PRKN: variants seen among roughly 807,000 people sequenced by gnomAD.
PRKN encodes the protein parkin RBR E3 ubiquitin protein ligase.
PRKN carries 56 observed loss-of-function variants against 59.5 expected under a neutral mutation model. The ratio of observed to expected loss-of-function variants is 0.94; its 90% confidence interval spans 0.76 to 1.18. PRKN has a LOEUF of 1.18. PRKN is among the 50% of genes most tolerant of loss of function. The pLI is 0.00. For synonymous variants in PRKN, 250 were observed against 222.1 expected, an observed-to-expected ratio of 1.13 and a Z score of -1.12; for missense variants, 657 against 596.4, an observed-to-expected ratio of 1.10 and a Z score of -1.06.
chr6:162,361,709 G>A (rs1349641940), intron 2 of PRKN, among the ~76,000 whole-genome samples: 1 of 152,190 alleles, frequency 6.6e-6, no homozygotes, highest in Non-Finnish European at 1.5e-5. Flanking sequence ...TGATGCAAGT[G>A]TGCTGTGCAT....
At chr6:161,389,882 T>C (rs1350065634) in intron 9 of PRKN, among the ~76,000 whole-genome samples, 1 of 152,166 alleles carries the variant, frequency 6.6e-6, no homozygotes, top group Non-Finnish European at 1.5e-5. Flanking sequence ...AGGCTTTTCC[T>C]GACACAAAGA....
At chr6:162,099,199 C>T (rs776956736) in intron 4 of PRKN, among the ~76,000 whole-genome samples, 27 of 152,154 alleles carry the variant, frequency 1.8e-4, no homozygotes, top group Non-Finnish European at 2.8e-4. Context: ...CCTCTGGCCA[C>T]GGGCCGTCAG....
At chr6:161,811,341 G>C (rs761244851) in intron 6 of PRKN, among the ~76,000 whole-genome samples, 2 of 152,104 alleles carry the variant, frequency 1.3e-5, no homozygotes, top group African/African-American at 2.4e-5. Flanking sequence ...CTGGCAAAAT[G>C]AAAGACAGTT....
At chr6:161,494,867 C>T (rs1056392046) in intron 9 of PRKN, among the ~76,000 whole-genome samples, 8 of 152,140 alleles carry the variant, frequency 5.3e-5, no homozygotes, top group African/African-American at 1.9e-4. Context: ...GGATTCATCC[C>T]CAGCCTTTCC....
In PRKN at chr6:161,379,653, G is replaced by A. The variant is rs749172436; in HGVS notation, c.1167+7141C>T. On this transcript the variant is annotated intron_variant, in intron 10 of 11. Coordinates refer to ENST00000366898, the MANE Select transcript of PRKN (RefSeq NM_004562.3). The surrounding 1 kb of genome is among the most constrained non-coding windows in gnomAD (Gnocchi z 4.9). ...CTTCCTTCTGCGGGAAGCCCACATCGAAAACCTGGTCTATGCATAGGGATG... is the reference window on the plus strand; with the variant it reads ...CTTCCTTCTGCGGGAAGCCCACATCAAAAACCTGGTCTATGCATAGGGATG... Among the ~76,000 whole-genome samples the A allele has an allele frequency of 2.6e-5, 4 of 152,136 alleles. No homozygotes were observed. Among genetic ancestry groups the A allele is most frequent in the African/African-American group, 9.7e-5 (4 of 41,430 alleles).
Position 162,727,764 on chromosome 6 carries a change from C to G in PRKN, c.-96G>C. 5 of 1,278,014 alleles carry G rather than the reference C, an allele frequency of 3.9e-6. No homozygotes were observed. The highest frequency in any genetic ancestry group is 5.5e-6 in the Non-Finnish European group (5 of 904,004). 79.2% of individuals were successfully genotyped at this position (1,278,014 alleles called of 1,614,324 possible). A position where few individuals can be genotyped will look rare whatever the true frequency, so the allele number is the denominator to read the frequency against. The stretch of plus-strand genomic sequence containing the variant: ...CACCAGCGGCTCTCCTGGGTTAAAT[C>G]CTCCAGGCCTCCCCGCCCCCGCGCC... On this transcript the variant is annotated 5_prime_UTR_variant, in exon 1 of 12. Transcript: ENST00000366898.
intron 5 of PRKN, among the ~76,000 whole-genome samples, chr6:161,991,599 T>G (rs2128258532): frequency 6.6e-6 from 1 of 152,174 alleles, no homozygotes; most frequent in Admixed American, 6.5e-5. Flanking sequence ...CTCAGCACTT[T>G]GGGAGGCCGA....
rs1333771253 is a variant in PRKN at position 161,400,773 on chromosome 6, G to T, written c.1084-13896C>A. On this transcript the variant is annotated intron_variant, in intron 9 of 11. Transcript: ENST00000366898. This position sits in a 1 kb window ranked among gnomAD's most constrained non-coding sequence, Gnocchi z 4.2. ...GGGACAGAAAATCAGTCAAATTAAA[G>T]AAAATATGAGGCGTAACTGCCCTGC... Among the ~76,000 whole-genome samples, 1 of 152,022 alleles carries T rather than the reference G, an allele frequency of 6.6e-6. No individual in the cohort carries two copies. The highest frequency in any genetic ancestry group is 1.5e-5 in the Non-Finnish European group (1 of 68,016).
intron 2 of PRKN, among the ~76,000 whole-genome samples, chr6:162,327,290 C>G (rs1446371418): frequency 6.6e-6 from 1 of 152,156 alleles, no homozygotes; most frequent in Non-Finnish European, 1.5e-5. Flanking sequence ...GTGTCAATCA[C>G]TTAATCCTGC....
rs1406932178 is a variant in PRKN at position 161,376,703 on chromosome 6, C to G, written c.1167+10091G>C. On this transcript the variant is annotated intron_variant, in intron 10 of 11. Transcript: ENST00000366898. The surrounding 1 kb of genome is among the most constrained non-coding windows in gnomAD (Gnocchi z 7.3). ...GAGGGTGGATGCGAAGGGCTCACCTCTAGCCTCCTACCTCTGGCTCCCCTC... is the reference window on the plus strand; with the variant it reads ...GAGGGTGGATGCGAAGGGCTCACCTGTAGCCTCCTACCTCTGGCTCCCCTC... Among the ~76,000 whole-genome samples, 2 of 152,190 alleles carry G rather than the reference C, an allele frequency of 1.3e-5. No homozygotes were observed. The highest frequency in any genetic ancestry group is 2.9e-5 in the Non-Finnish European group (2 of 68,020).
intron 7 of PRKN, among the ~76,000 whole-genome samples, chr6:161,670,796 C>A (rs1186009532): frequency 6.7e-6 from 1 of 148,332 alleles, no homozygotes; most frequent in Non-Finnish European, 1.5e-5. Context: ...AGCCTAGCAA[C>A]AGAGCGAGAC....
At chr6:162,143,981 A>G (rs1315003403) in intron 4 of PRKN, among the ~76,000 whole-genome samples, 1 of 152,220 alleles carries the variant, frequency 6.6e-6, no homozygotes, top group Non-Finnish European at 1.5e-5. Context: ...GGCATATTTG[A>G]TTGAATAAGA....
chr6:161,837,685 A>C (rs534648565), intron 6 of PRKN, among the ~76,000 whole-genome samples: 1 of 152,280 alleles, frequency 6.6e-6, no homozygotes, highest in South Asian at 2.1e-4. Context: ...GATAATGAAT[A>C]ATAAGGGACT....
Position 161,413,411 on chromosome 6 carries a change from G to T in PRKN, c.1084-26534C>A, listed in dbSNP as rs1224970474. Among the ~76,000 whole-genome samples the T allele has an allele frequency of 6.6e-6, 1 of 152,168 alleles. No homozygotes were observed. The highest frequency in any genetic ancestry group is 6.5e-5 in the Admixed American group (1 of 15,278). On this transcript the variant is annotated intron_variant, in intron 9 of 11. Coordinates refer to ENST00000366898, the MANE Select transcript of PRKN (RefSeq NM_004562.3). This position sits in a 1 kb window ranked among gnomAD's most constrained non-coding sequence, Gnocchi z 4.4. Reference sequence around the variant, plus strand: ...AAGGGAATGACAGCTGCAGCAGGTCGCCAGTGCATCAACACAGAGTAACCG... The same window carrying T: ...AAGGGAATGACAGCTGCAGCAGGTCTCCAGTGCATCAACACAGAGTAACCG...
intron 6 of PRKN, among the ~76,000 whole-genome samples, chr6:161,852,261 C>A (rs1793468796): frequency 6.6e-6 from 1 of 152,006 alleles, no homozygotes; most frequent in Non-Finnish European, 1.5e-5. Context: ...GCCTGGACAA[C>A]ATAGTGAGAC....
At chr6:162,492,877 C>T (rs2212513) in intron 1 of PRKN, among the ~76,000 whole-genome samples, 7,333 of 150,890 alleles carry the variant, frequency 0.049, 260 homozygotes, top group East Asian at 0.13. Context: ...TGCTTGAACC[C>T]GGGAGGCGGA....
chr6:161,798,294 G>C (rs1022616749), intron 6 of PRKN, among the ~76,000 whole-genome samples: 1 of 152,182 alleles, frequency 6.6e-6, no homozygotes, highest in Admixed American at 6.5e-5. Context: ...AGATGTGACT[G>C]TCCACCCAGC....
chr6:161,871,049 T>G (rs944344232), intron 6 of PRKN, among the ~76,000 whole-genome samples: 4 of 149,302 alleles, frequency 2.7e-5, no homozygotes, highest in Admixed American at 1.3e-4. Context: ...AGGAGGAGGA[T>G]GAGGAGAGAG....
chr6:162,247,082 G>A (rs1045090375), intron 3 of PRKN, among the ~76,000 whole-genome samples: 10 of 152,112 alleles, frequency 6.6e-5, no homozygotes, highest in African/African-American at 2.4e-4. Context: ...TTAGGAGCCT[G>A]TAGCTCTAAA....
Sources: gnomAD v4.1 joint callset for allele counts (sites outside exome capture counted in the v4.1 genomes callset) on GRCh38, gnomAD v4.1.1 for gene constraint, Gnocchi (gnomAD v3.1) non-coding constraint, MANE v1.5 for transcripts, NCBI Gene and HGNC (gene_info 2026-07-23, HGNC 2026-07-21) for gene names.